Variants in PRSS23 observed in about 807,000 individuals in gnomAD.
PRSS23 encodes serine protease 23, also known as protease, serine 23.
In PRSS23, 25 loss-of-function variants were observed where a neutral mutation model predicts 34.7. The observed-to-expected ratio is 0.72, with a 90% CI of 0.53 to 1.01. PRSS23 has a LOEUF of 1.01. Among genes scored for constraint, PRSS23 ranks in the 50% least tolerant of loss-of-function variants. PRSS23 has a pLI of 0.00. For synonymous variants in PRSS23, 176 were observed against 186.6 expected, an observed-to-expected ratio of 0.94 and a Z score of 0.46; for missense variants, 445 against 475.6, an observed-to-expected ratio of 0.94 and a Z score of 0.60.
Position 86,808,470 on chromosome 11 carries a change from G to A in PRSS23, c.827G>A (p.Arg276Lys). Residue 276 changes from arginine to lysine, a missense_variant, in exon 2 of 2, where the codon AGA becomes AAA. By Grantham distance (26) the Arg-to-Lys change is conservative. Transcript: ENST00000280258. The part of the protein sequence containing the change: ...SPPAKQLPGG[R>K]IHFSGYDNDR... Reference sequence around the variant, plus strand: ...CCTGCTAAGCAGCTGCCAGGGGGCAGAATTCACTTCTCTGGTTATGACAAT... The same window carrying A: ...CCTGCTAAGCAGCTGCCAGGGGGCAAAATTCACTTCTCTGGTTATGACAAT... The A allele has an allele frequency of 6.2e-7, 1 of 1,614,252 alleles. No homozygotes were observed. The highest frequency in any genetic ancestry group is 8.5e-7 in the Non-Finnish European group (1 of 1,180,050).
intron 2 of PRSS23, among the ~76,000 whole-genome samples, chr11:86,831,949 C>G (rs1358032826): frequency 6.6e-6 from 1 of 151,878 alleles, no homozygotes; most frequent in Non-Finnish European, 1.5e-5. Context: ...TGTGTACACC[C>G]TGTGATATTA....
intron 1 of PRSS23, among the ~76,000 whole-genome samples, chr11:86,820,160 T>C (rs2134872447): frequency 6.6e-6 from 1 of 152,332 alleles, no homozygotes; most frequent in African/African-American, 2.4e-5. Flanking sequence ...TTTTATTTAA[T>C]GCTGCCTAGC....
At chr11:86,944,891 A>G (rs1949230404) in intron 2 of PRSS23, among the ~76,000 whole-genome samples, 1 of 152,158 alleles carries the variant, frequency 6.6e-6, no homozygotes, top group East Asian at 1.9e-4. Flanking sequence ...TTTTACTCAC[A>G]CCAAAACAGG....
At chr11:86,834,436 A>G (rs1163413662) in intron 2 of PRSS23, among the ~76,000 whole-genome samples, 1 of 151,964 alleles carries the variant, frequency 6.6e-6, no homozygotes, top group Non-Finnish European at 1.5e-5. Flanking sequence ...TCCTTCTATA[A>G]GCATTTCTAA....
rs1455771796 is a variant in PRSS23 at position 86,807,623 on chromosome 11, T to A, written c.-13-8T>A. On this transcript the variant is annotated splice_region_variant and splice_polypyrimidine_tract_variant and intron_variant, in intron 1 of 1. Transcript: ENST00000280258. ...GCCCTCCTGACCTGCTTGTCTTTGTTTCTACAGAACAGTGCTCGGCATGGC... is the reference window on the plus strand; with the variant it reads ...GCCCTCCTGACCTGCTTGTCTTTGTATCTACAGAACAGTGCTCGGCATGGC... The A allele has an allele frequency of 2.5e-6, 4 of 1,575,122 alleles. No homozygotes were observed. The highest frequency in any genetic ancestry group is 3.4e-6 in the Non-Finnish European group (4 of 1,159,854).
intron 1 of PRSS23, among the ~76,000 whole-genome samples, chr11:86,802,014 T>C (rs1204560332): frequency 6.6e-6 from 1 of 152,230 alleles, no homozygotes; most frequent in African/African-American, 2.4e-5. Flanking sequence ...ATGGTTAACA[T>C]GGATGCATTT....
chr11:86,791,611 A>C (rs545067858), intron 1 of PRSS23, among the ~76,000 whole-genome samples: 1 of 152,296 alleles, frequency 6.6e-6, no homozygotes, highest in Admixed American at 6.5e-5. Flanking sequence ...ACAAAGGAAA[A>C]CCTAGAGGCC....
intron 2 of PRSS23, among the ~76,000 whole-genome samples, chr11:86,899,655 C>A (rs528726489): frequency 6.6e-6 from 1 of 152,066 alleles, no homozygotes; most frequent in South Asian, 2.1e-4. Flanking sequence ...GCTGGGACTA[C>A]AGATGCCCGC....
rs185157734 is a variant in PRSS23 at position 86,951,351 on chromosome 11, C to T, written c.*66C>T. On this transcript the variant is annotated 3_prime_UTR_variant, in exon 3 of 3. Transcript: ENST00000533902. Reference sequence around the variant, plus strand: ...TCAACAGCCATGTTGGAATCATCTGCAGAATACCGAAAAAGTGCCCAGTTG... The same window carrying T: ...TCAACAGCCATGTTGGAATCATCTGTAGAATACCGAAAAAGTGCCCAGTTG... 318 of 1,613,716 alleles carry T rather than the reference C, an allele frequency of 2.0e-4. 3 individuals are homozygous for T. The Admixed American group carries it at 5.2e-3, about 26-fold the overall frequency.
intron 1 of PRSS23, among the ~76,000 whole-genome samples, 164 bp from the exon 2 acceptor site, chr11:86,807,467 G>A (rs73520734): frequency 0.013 from 2,044 of 152,242 alleles, 42 homozygotes; most frequent in African/African-American, 0.047. Flanking sequence ...GAGCCTTTGC[G>A]TTGAAAGTGA....
At chr11:86,841,503 G>T (rs1948448345) in intron 2 of PRSS23, among the ~76,000 whole-genome samples, 1 of 151,994 alleles carries the variant, frequency 6.6e-6, no homozygotes, top group Non-Finnish European at 1.5e-5. Context: ...TCCAGGAGCT[G>T]GTTTTTTGAA....
chr11:86,853,982 T>C (rs1327930038), intron 2 of PRSS23, among the ~76,000 whole-genome samples: 1 of 152,182 alleles, frequency 6.6e-6, no homozygotes, highest in Admixed American at 6.5e-5. Flanking sequence ...CATCATTTTA[T>C]ATGCTTATTG....
At position 86,808,768 on chromosome 11, in the gene PRSS23, A is replaced by AAACT; in HGVS notation, c.1127_1130dup (p.Tyr377Ter). On this transcript the variant is annotated frameshift_variant, in exon 2 of 2. Transcript: ENST00000280258. LOFTEE classifies it high-confidence loss of function. ...CCCAGATTTGCTATTGGATTAAAGGAAACTACCTGGATTGTAGGGAGGGGT... is the reference window on the plus strand; with the variant it reads ...CCCAGATTTGCTATTGGATTAAAGGAAACTAACTACCTGGATTGTAGGGAGGGGT... The AAACT allele has an allele frequency of 6.2e-7, 1 of 1,612,510 alleles. No homozygotes were observed. Among genetic ancestry groups the AAACT allele is most frequent in the Non-Finnish European group, 8.5e-7 (1 of 1,178,918 alleles).
At chr11:86,892,876 G>A (rs1009473531) in intron 2 of PRSS23, among the ~76,000 whole-genome samples, 4 of 152,246 alleles carry the variant, frequency 2.6e-5, no homozygotes, top group South Asian at 4.2e-4. Flanking sequence ...AATTCACACC[G>A]TGATCAAGAA....
chr11:86,823,568 A>G (rs1200987665), exon 2 of PRSS23: 3 of 702,528 alleles, frequency 4.3e-6, no homozygotes, highest in South Asian at 3.0e-5. Context: ...TTCTGCTTTC[A>G]TGGAGTTCAC....
At chr11:86,857,861 CAG>C (rs1948583431) in intron 2 of PRSS23, 1 of 519,594 alleles carries the variant, frequency 1.9e-6, no homozygotes, top group South Asian at 1.5e-5. Flanking sequence ...AAGTGGGGGT[CAG>C]AGCTGCCAGC....
chr11:86,913,355 C>T (rs1209583918), intron 2 of PRSS23, among the ~76,000 whole-genome samples: 3 of 144,386 alleles, frequency 2.1e-5, no homozygotes, highest in East Asian at 2.0e-4. Flanking sequence ...TCTTGTCTAG[C>T]GTTTGTTTTT....
Position 86,800,581 on chromosome 11 carries a change from G to C in PRSS23, c.-84G>C. The C allele has an allele frequency of 1.0e-6, 1 of 984,970 alleles. No homozygotes were observed. Among genetic ancestry groups the C allele is most frequent in the Non-Finnish European group, 1.2e-6 (1 of 829,792 alleles). The allele number at this position is 984,970 out of a possible 1,614,324, so 61.0% of individuals were successfully genotyped here. On this transcript the variant is annotated 5_prime_UTR_variant, in exon 1 of 2. Coordinates refer to ENST00000280258, the MANE Select transcript of PRSS23 (RefSeq NM_007173.6). ...GGCGGGGCAGGCATGGGAGCCGCGC[G>C]CTCTCTCCCGGCGCCCACACCTGTC... is the stretch of plus-strand genomic sequence containing the variant.
chr11:86,948,320 A>C (rs1949261092), intron 2 of PRSS23: 1 of 152,070 alleles, frequency 6.6e-6, no homozygotes, highest in African/African-American at 2.4e-5. Context: ...TCCCCATCCT[A>C]GATCAGTTAG....
Sources: allele counts gnomAD v4.1 joint callset (sites outside exome capture counted in the v4.1 genomes callset), GRCh38; gene constraint gnomAD v4.1.1; transcripts MANE v1.5; gene names NCBI Gene and HGNC (gene_info 2026-07-23, HGNC 2026-07-21).